TRIM14: variants seen among roughly 807,000 people sequenced by gnomAD.
TRIM14 encodes the protein tripartite motif containing 14, also known as tripartite motif-containing protein 14.
TRIM14 carries 28 observed loss-of-function variants against 44.5 expected under a neutral mutation model. The ratio of observed to expected loss-of-function variants is 0.63; its 90% CI spans 0.47 to 0.86. The LOEUF (loss-of-function observed/expected upper bound fraction) is 0.86. Among genes scored for constraint, TRIM14 ranks in the 40% least tolerant of loss-of-function variants. The probability of loss-of-function intolerance (pLI) is 0.00; values close to 1 mark genes in which losing one functional copy is unlikely to be tolerated. For synonymous variants in TRIM14, 299 were observed against 269.2 expected (o/e 1.11, Z -1.08); for missense variants, 607 against 611.1 (o/e 0.99, Z 0.07).
At chr9:98,109,498 C>T (rs1313418599) in intron 2 of TRIM14, among the ~76,000 whole-genome samples, 2 of 152,230 alleles carry the variant, frequency 1.3e-5, no homozygotes, top group Admixed American at 1.3e-4. Context: ...TCTTACCCTA[C>T]TTGCTTTCTT....
intron 3 of TRIM14, among the ~76,000 whole-genome samples, chr9:98,098,444 G>A (rs994064665): frequency 1.3e-5 from 2 of 152,048 alleles, no homozygotes; most frequent in African/African-American, 4.8e-5. Context: ...GGGTGCGGTG[G>A]CTCACGCCTG....
chr9:98,101,982 T>C (rs1359628185), intron 2 of TRIM14, among the ~76,000 whole-genome samples: 1 of 131,588 alleles, frequency 7.6e-6, no homozygotes, highest in Non-Finnish European at 1.6e-5. Flanking sequence ...CACCCCAGCC[T>C]GGGCGACAAT....
At chr9:98,065,169 G>C (rs182983671), downstream of TRIM14, among the ~76,000 whole-genome samples, 1 of 152,092 alleles carries the variant, frequency 6.6e-6, no homozygotes, top group African/African-American at 2.4e-5. Context: ...CCTTCTGGGC[G>C]TACTCACAGC....
chr9:98,104,668 G>T (rs1826536645), intron 2 of TRIM14, among the ~76,000 whole-genome samples: 1 of 152,198 alleles, frequency 6.6e-6, no homozygotes, highest in South Asian at 2.1e-4. Context: ...GCTTTGAAGA[G>T]AGCTGGTGGC....
chr9:98,103,807 C>G (rs1205253076), intron 2 of TRIM14, among the ~76,000 whole-genome samples: 1 of 136,484 alleles, frequency 7.3e-6, no homozygotes, highest in Non-Finnish European at 1.5e-5. Context: ...TACTGCACTC[C>G]AGCCTGGCAA....
At chr9:98,092,046 C>T in intron 4 of TRIM14, 45 bp from the exon 5 acceptor site, 1 of 1,476,588 alleles carries the variant, frequency 6.8e-7, no homozygotes, top group Non-Finnish European at 9.3e-7. Flanking sequence ...CTTATGCAAG[C>T]AGACAAATAA....
At chr9:98,075,402 GGAGGAAGGAAAGGGAGA>G (rs1266441273) in intron 6 of TRIM14, 2 of 150,804 alleles carry the variant, frequency 1.3e-5, no homozygotes, top group East Asian at 3.9e-4. Context: ...TGGGAGGGAG[GGAGGAAGGAAAGGGAGA>G]GAGGGAGGGA....
In TRIM14 at chr9:98,094,949, C is replaced by T; in HGVS notation, c.618G>A (p.Glu206=). The change falls in exon 4 of 6, where the codon GAG becomes GAA. Residue 206 remains glutamate (E), a synonymous_variant. Coordinates refer to ENST00000341469, the MANE Select transcript of TRIM14 (RefSeq NM_014788.4). ...ELCHPVPLSF[E]PVKSFFKGLV... ...GGCCCTTAAAGAAGCTCTTGACGGG[C>T]TCAAAGGAGAGGGGCACGGGATGGC... The T allele has an allele frequency of 1.2e-6, 2 of 1,614,202 alleles. No homozygotes were observed. Among genetic ancestry groups the T allele is most frequent in the Non-Finnish European group, 1.7e-6 (2 of 1,180,026 alleles).
rs895625508 is a variant in TRIM14, at chr9:98,087,148, G to C, written c.*322C>G. The C allele has an allele frequency of 4.9e-6, 3 of 609,372 alleles. No individual in the cohort carries two copies. The East Asian group carries it at 9.7e-5, about 20-fold the overall frequency. The allele number at this position is 609,372 out of a possible 1,614,324, so 37.7% of individuals were successfully genotyped here. A position where few individuals can be genotyped will look rare whatever the true frequency, so the allele number is the denominator to read the frequency against. On this transcript the variant is annotated 3_prime_UTR_variant, in exon 6 of 6. Coordinates refer to ENST00000341469, the MANE Select transcript of TRIM14 (RefSeq NM_014788.4). ...CGAGGGAGAAGGTTCCCAGGCTGCG[G>C]ATGATGTATTCAGGATGCTGAGGGC...
the TRIM14 span, among the ~76,000 whole-genome samples, chr9:98,059,217 G>A: frequency 1.6e-4 from 24 of 151,926 alleles, no homozygotes; most frequent in African/African-American, 5.8e-4. Flanking sequence ...TAGAGACGGG[G>A]TTTCACCATG....
chr9:98,064,209 G>A, the TRIM14 span, among the ~76,000 whole-genome samples: 15 of 152,092 alleles, frequency 9.9e-5, no homozygotes, highest in Admixed American at 2.0e-4. Flanking sequence ...GCATTCGTAC[G>A]CATGACATTC....
At chr9:98,060,797 T>A in the TRIM14 span, 1 of 1,614,192 alleles carries the variant, frequency 6.2e-7, no homozygotes, top group East Asian at 2.2e-5. Context: ...TGGGGCTGAT[T>A]GTGCTAAGTT....
rs1223197474 is a variant in TRIM14, at chr9:98,092,002, C to A, written c.701-1G>T. 2 of 1,604,324 alleles carry A rather than the reference C, an allele frequency of 1.2e-6. No individual in the cohort carries two copies. The highest frequency in any genetic ancestry group is 1.7e-6 in the Non-Finnish European group (2 of 1,174,118). ...GGGTCTGAGAGCTGGCAGTTTATGC[C>A]TGTAAGGAATTGTTGAGAAATGAGC... On this transcript the variant is annotated splice_acceptor_variant, in intron 4 of 5. Coordinates refer to ENST00000341469, the MANE Select transcript of TRIM14 (RefSeq NM_014788.4). LOFTEE classifies it high-confidence loss of function.
downstream of TRIM14, chr9:98,080,983 A>G (rs200152488): frequency 4.4e-5 from 71 of 1,614,188 alleles, no homozygotes; most frequent in Middle Eastern, 6.6e-4. Context: ...TGGAGCCTGG[A>G]GAACTGGCCG....
intron 2 of TRIM14, among the ~76,000 whole-genome samples, chr9:98,104,178 C>CA (rs1299847970): frequency 1.3e-5 from 2 of 152,162 alleles, no homozygotes; most frequent in Non-Finnish European, 2.9e-5. Context: ...TTTATGGTTG[C>CA]AATGGGTCAA....
intron 3 of TRIM14, among the ~76,000 whole-genome samples, chr9:98,098,236 G>T (rs1826254082): frequency 6.6e-6 from 1 of 152,190 alleles, no homozygotes; most frequent in Non-Finnish European, 1.5e-5. Context: ...GAGAAAATTA[G>T]ACACAAAGTG....
At chr9:98,100,408 C>T (rs571848303) in intron 2 of TRIM14, among the ~76,000 whole-genome samples, 1 of 152,210 alleles carries the variant, frequency 6.6e-6, no homozygotes, top group South Asian at 2.1e-4. Context: ...TGGAAATATA[C>T]CTAATACAAA....
intron 4 of TRIM14, chr9:98,092,602 C>G: frequency 4.2e-6 from 1 of 236,636 alleles, no homozygotes; most frequent in Admixed American, 4.9e-5. Context: ...CAAGTTTTGC[C>G]TAAAGCTCCT....
chr9:98,073,279 T>A (rs1180197410), intron 6 of TRIM14, among the ~76,000 whole-genome samples: 2 of 113,394 alleles, frequency 1.8e-5, no homozygotes, highest in Non-Finnish European at 3.8e-5. Context: ...GGCTTTTTTT[T>A]TTTTTTTTTT....
Sources: gnomAD v4.1 joint callset for allele counts (sites outside exome capture counted in the v4.1 genomes callset) on GRCh38, gnomAD v4.1.1 for gene constraint, MANE v1.5 for transcripts, NCBI Gene and HGNC (gene_info 2026-07-23, HGNC 2026-07-21) for gene names.